The following MACROD2 variants were observed in gnomAD, a reference collection of about 807,000 sequenced individuals.
MACROD2 encodes mono-ADP ribosylhydrolase 2, also known as ADP-ribose glycohydrolase MACROD2.
A neutral mutation model predicts 70.4 loss-of-function variants in MACROD2; 36 were observed. The ratio of observed to expected loss-of-function variants is 0.51; its 90% CI spans 0.39 to 0.68. The LOEUF (loss-of-function observed/expected upper bound fraction) is 0.68, where lower values mean the gene tolerates loss of function less well. MACROD2 is among the 30% of genes least tolerant of loss of function. The probability of loss-of-function intolerance (pLI) is 0.00; values close to 1 mark genes in which losing one functional copy is unlikely to be tolerated. For missense variants in MACROD2, 496 were observed against 538.4 expected, an observed-to-expected ratio of 0.92 and a Z score of 0.78; for synonymous variants, 172 against 178.8, an observed-to-expected ratio of 0.96 and a Z score of 0.30.
Position 14,705,631 on chromosome 20 carries a change from C to T in MACROD2, c.418+20672C>T, listed in dbSNP as rs374900350. 1.4e-4 allele frequency among the ~76,000 whole-genome samples: 22 copies of T among 152,220 alleles called. 1 individual carries two copies. The highest frequency in any genetic ancestry group is 1.3e-3 in the Admixed American group (20 of 15,294). ...TATAAAGACATACTCTCTTTGGTCA[C>T]GTTTTCAGAACCTTTTGACTAAATG... On this transcript the variant is annotated intron_variant, in intron 5 of 17. Coordinates refer to ENST00000684519, the MANE Select transcript of MACROD2 (RefSeq NM_001351661.2).
intron 6 of MACROD2, among the ~76,000 whole-genome samples, chr20:15,420,851 C>T (rs1027335536): frequency 2.0e-5 from 3 of 151,790 alleles, no homozygotes; most frequent in Admixed American, 6.6e-5. Context: ...TTTGGCAGGC[C>T]GAGGCAGGAG....
intron 6 of MACROD2, among the ~76,000 whole-genome samples, chr20:15,236,467 G>T (rs1351284736): frequency 6.6e-6 from 1 of 152,198 alleles, no homozygotes; most frequent in Non-Finnish European, 1.5e-5. Flanking sequence ...CAATCATTGA[G>T]CCATGAAATA....
intron 10 of MACROD2, among the ~76,000 whole-genome samples, chr20:15,904,970 GA>G (rs2065125321): frequency 6.6e-6 from 1 of 151,884 alleles, no homozygotes; most frequent in Non-Finnish European, 1.5e-5. Flanking sequence ...CAAGCTAATG[GA>G]AAGACCCCTG....
chr20:15,935,229 A>T (rs944731432), intron 11 of MACROD2, among the ~76,000 whole-genome samples: 1 of 152,128 alleles, frequency 6.6e-6, no homozygotes, highest in Non-Finnish European at 1.5e-5. Context: ...CAGCCCTTGA[A>T]TCTGATAGCG....
At chr20:15,559,226 CAAAAAAA>C (rs148608040) in intron 8 of MACROD2, among the ~76,000 whole-genome samples, 4 of 43,246 alleles carry the variant, frequency 9.2e-5, no homozygotes, top group African/African-American at 1.6e-4. Flanking sequence ...AACTCCGTCT[CAAAAAAA>C]AAAAAAAAAA....
At chr20:15,462,379 G>C (rs1483811762) in intron 7 of MACROD2, among the ~76,000 whole-genome samples, 1 of 152,160 alleles carries the variant, frequency 6.6e-6, no homozygotes, top group Non-Finnish European at 1.5e-5. Context: ...AACTGATTTA[G>C]CCTGAGGAAT....
chr20:15,441,562 T>C (rs765463159), intron 7 of MACROD2, among the ~76,000 whole-genome samples: 2 of 152,122 alleles, frequency 1.3e-5, no homozygotes, highest in Non-Finnish European at 2.9e-5. Flanking sequence ...ATGCAATATA[T>C]GCATGGAAGA....
In MACROD2 at chr20:14,326,412, C is replaced by T; in HGVS notation, c.272-167067C>T. 2 of 1,613,874 alleles carry T rather than the reference C, an allele frequency of 1.2e-6. No individual in the cohort carries two copies. Among genetic ancestry groups the T allele is most frequent in the Non-Finnish European group, 1.7e-6 (2 of 1,179,884 alleles). On this transcript the variant is annotated intron_variant, in intron 3 of 17. Coordinates refer to ENST00000684519, the MANE Select transcript of MACROD2 (RefSeq NM_001351661.2). This position sits in a 1 kb window ranked among gnomAD's most constrained non-coding sequence, Gnocchi z 5.5. Reference sequence around the variant, plus strand: ...CTGTGTTGGGTATTGCAGTGGTTATCTGAATGGTGCTTACAATCCCACTGT... The same window carrying T: ...CTGTGTTGGGTATTGCAGTGGTTATTTGAATGGTGCTTACAATCCCACTGT...
At chr20:14,783,822 A>G (rs554580810) in intron 5 of MACROD2, among the ~76,000 whole-genome samples, 16 of 152,216 alleles carry the variant, frequency 1.1e-4, no homozygotes, top group African/African-American at 3.9e-4. Flanking sequence ...TGACCCCTGT[A>G]GAATATGTAC....
chr20:15,212,001 C>T (rs959480473), intron 5 of MACROD2, among the ~76,000 whole-genome samples: 6 of 152,160 alleles, frequency 3.9e-5, no homozygotes, highest in Non-Finnish European at 5.9e-5. Flanking sequence ...TTTAATTTCT[C>T]CACATACTAA....
At chr20:15,246,337 C>A (rs1486854342) in intron 6 of MACROD2, among the ~76,000 whole-genome samples, 2 of 152,072 alleles carry the variant, frequency 1.3e-5, no homozygotes, top group African/African-American at 4.8e-5. Flanking sequence ...CCTGAGTTAC[C>A]AAACCTGAGT....
chr20:15,027,716 A>G (rs2075243925), intron 5 of MACROD2, among the ~76,000 whole-genome samples: 2 of 151,938 alleles, frequency 1.3e-5, no homozygotes, highest in Admixed American at 1.3e-4. Context: ...TTAAAAAAAA[A>G]AAAAAAAATG....
chr20:15,585,086 G>A (rs1568910796), intron 8 of MACROD2, among the ~76,000 whole-genome samples: 1 of 152,166 alleles, frequency 6.6e-6, no homozygotes, highest in Non-Finnish European at 1.5e-5. Flanking sequence ...GGATGCAGCA[G>A]ACACGGTCAG....
chr20:15,664,963 A>C (rs2049877482), intron 8 of MACROD2, among the ~76,000 whole-genome samples: 4 of 152,196 alleles, frequency 2.6e-5, no homozygotes, highest in Admixed American at 2.6e-4. Context: ...CTGTTATGAT[A>C]GGGCATCCGT....
At chr20:15,669,384 A>C (rs912135174) in intron 8 of MACROD2, among the ~76,000 whole-genome samples, 8 of 152,134 alleles carry the variant, frequency 5.3e-5, no homozygotes, top group Non-Finnish European at 1.2e-4. Flanking sequence ...TTTATTTCTA[A>C]TGCTAAGATA....
intron 3 of MACROD2, among the ~76,000 whole-genome samples, chr20:14,218,456 T>C (rs558287327): frequency 6.6e-6 from 1 of 152,356 alleles, no homozygotes; most frequent in African/African-American, 2.4e-5. Context: ...TGAGTTCTTA[T>C]CCATTCTGCA....
At chr20:15,339,548 C>T (rs1439632045) in intron 6 of MACROD2, among the ~76,000 whole-genome samples, 1 of 151,750 alleles carries the variant, frequency 6.6e-6, no homozygotes, top group Non-Finnish European at 1.5e-5. Flanking sequence ...ATCCTGAGCA[C>T]TGCTGGAAAA....
chr20:15,760,563 T>A (rs1488889640), intron 8 of MACROD2, among the ~76,000 whole-genome samples: 1 of 152,172 alleles, frequency 6.6e-6, no homozygotes, highest in Non-Finnish European at 1.5e-5. Context: ...ATTCCTTCCT[T>A]GCTTCCCACT....
chr20:14,680,908 T>C (rs1047777579), intron 4 of MACROD2, among the ~76,000 whole-genome samples: 1 of 152,000 alleles, frequency 6.6e-6, no homozygotes, highest in Non-Finnish European at 1.5e-5. Context: ...TATTTGAAAC[T>C]TTAAAAAGTG....
Sources: gnomAD v4.1 joint callset for allele counts (sites outside exome capture counted in the v4.1 genomes callset) on GRCh38, gnomAD v4.1.1 for gene constraint, Gnocchi (gnomAD v3.1) non-coding constraint, MANE v1.5 for transcripts, NCBI Gene and HGNC (gene_info 2026-07-23, HGNC 2026-07-21) for gene names.